XIRP2: variants seen among roughly 807,000 people sequenced by gnomAD.
The protein encoded by XIRP2 is xin actin-binding repeat-containing protein 2.
XIRP2 carries 236 observed loss-of-function variants against 277.0 expected under a neutral mutation model. The ratio of observed to expected loss-of-function variants is 0.85; its 90% CI spans 0.77 to 0.95. The LOEUF is 0.95. XIRP2 is among the 40% of genes least tolerant of loss of function. The probability of loss-of-function intolerance (pLI) is 0.00; values close to 1 mark genes in which losing one functional copy is unlikely to be tolerated. For missense variants in XIRP2, 4,640 were observed against 4,157.5 expected, an observed-to-expected ratio of 1.12 and a Z score of -3.19; for synonymous variants, 1,490 against 1,416.5, an observed-to-expected ratio of 1.05 and a Z score of -1.17.
rs112170841 is a variant in XIRP2, at chr2:167,250,061, A to G, written c.8669A>G (p.Tyr2890Cys). The G allele has an allele frequency of 2.4e-5, 39 of 1,613,640 alleles. 1 individual carries two copies. Among genetic ancestry groups the G allele is most frequent in the Admixed American group, 2.2e-4 (13 of 59,976 alleles). Reference protein sequence around the residue: ...KAEHKKLPQPYNSLQEEKCLE... With the variant: ...KAEHKKLPQPCNSLQEEKCLE... ...GAACATAAAAAATTGCCCCAGCCAT[A>G]TAATAGTCTGCAGGAAGAAAAATGT... The change falls in exon 9 of 11, where the codon TAT becomes TGT. Residue 2890 changes from tyrosine (Y) to cysteine (C), a missense_variant. Physicochemically the swap from Tyr to Cys is radical, Grantham distance 194. Coordinates refer to ENST00000409195, the MANE Select transcript of XIRP2 (RefSeq NM_152381.6).
At chr2:166,940,828 T>C (rs1165321283) in intron 2 of XIRP2, among the ~76,000 whole-genome samples, 1 of 152,120 alleles carries the variant, frequency 6.6e-6, no homozygotes, top group African/African-American at 2.4e-5. Context: ...GAGGGGTACC[T>C]GGCCATGTGG....
In XIRP2 at chr2:167,085,386, G is replaced by T. The variant is rs375087677; in HGVS notation, c.409-50523G>T. Reference sequence around the variant, plus strand: ...AAGTATGTGGTCAATTTTGGAATAGGTGTGGTGTGGTGCTGAAAAAAATGT... The same window carrying T: ...AAGTATGTGGTCAATTTTGGAATAGTTGTGGTGTGGTGCTGAAAAAAATGT... On this transcript the variant is annotated intron_variant, in intron 2 of 10. Transcript: ENST00000409195. 4.7e-5 allele frequency among the ~76,000 whole-genome samples: 7 copies of T among 150,176 alleles called. No individual in the cohort carries two copies. The South Asian group carries it at 1.3e-3, about 27-fold the overall frequency.
At chr2:166,961,475 T>A (rs1686295291) in intron 2 of XIRP2, among the ~76,000 whole-genome samples, 1 of 151,844 alleles carries the variant, frequency 6.6e-6, no homozygotes, top group South Asian at 2.1e-4. Flanking sequence ...GACAGCTGAA[T>A]TAGCCTTCAA....
chr2:167,181,716 A>T (rs1361514967), intron 3 of XIRP2, among the ~76,000 whole-genome samples: 1 of 152,124 alleles, frequency 6.6e-6, no homozygotes, highest in Non-Finnish European at 1.5e-5. Flanking sequence ...TCTGATCAAA[A>T]TTATATTTAT....
chr2:166,981,214 T>C (rs1686859206), intron 2 of XIRP2, among the ~76,000 whole-genome samples: 2 of 152,174 alleles, frequency 1.3e-5, no homozygotes, highest in African/African-American at 4.8e-5. Context: ...TTCTGGAGGC[T>C]ACAAGTCTGA....
At chr2:167,214,107 AAGG>A (rs1694150126) in intron 4 of XIRP2, among the ~76,000 whole-genome samples, 1 of 117,454 alleles carries the variant, frequency 8.5e-6, no homozygotes, top group African/African-American at 4.0e-5. Flanking sequence ...GGAAGGAAGG[AAGG>A]AAGGAAGGAA....
rs1014575668 is a variant in XIRP2, at chr2:167,233,126, G to A, written c.859-6729G>A. Reference sequence around the variant, plus strand: ...AGAAAGACATCTGATGAGGGAGAATGTTTCAGCTGAAACTTGAAATAATTT... The same window carrying A: ...AGAAAGACATCTGATGAGGGAGAATATTTCAGCTGAAACTTGAAATAATTT... On this transcript the variant is annotated intron_variant, in intron 5 of 10. Transcript: ENST00000409195. Among the ~76,000 whole-genome samples, 3 of 151,896 alleles carry A rather than the reference G, an allele frequency of 2.0e-5. 1 individual carries two copies. Among genetic ancestry groups the A allele is most frequent in the Admixed American group, 1.3e-4 (2 of 15,216 alleles).
At chr2:167,226,176 T>G (rs1694596081) in intron 5 of XIRP2, among the ~76,000 whole-genome samples, 1 of 152,194 alleles carries the variant, frequency 6.6e-6, no homozygotes, top group South Asian at 2.1e-4. Flanking sequence ...CACTGGGGGT[T>G]TGGAGATACA....
At chr2:167,119,615 A>T (rs1302883648) in intron 2 of XIRP2, among the ~76,000 whole-genome samples, 1 of 152,204 alleles carries the variant, frequency 6.6e-6, no homozygotes, top group African/African-American at 2.4e-5. Flanking sequence ...TCAGTAGTTG[A>T]CAAAGTTTCT....
In XIRP2 at chr2:167,250,987, T is replaced by C. The variant is rs974850130; in HGVS notation, c.9595T>C (p.Cys3199Arg). 8.7e-6 allele frequency: 14 copies of C among 1,613,514 alleles called. No individual in the cohort carries two copies. Among genetic ancestry groups the C allele is most frequent in the Non-Finnish European group, 1.1e-5 (13 of 1,179,746 alleles). Residue 3199 changes from cysteine (C) to arginine (R), a missense_variant, in exon 9 of 11, where the codon TGT becomes CGT. By Grantham distance (180) the Cys-to-Arg change is radical. Coordinates refer to ENST00000409195, the MANE Select transcript of XIRP2 (RefSeq NM_152381.6). ...TAKLSKGAIP[C>R]PAATPVPIVE... is the part of the protein sequence containing the mutation. ...AAAGTTATCCAAAGGGGCCATCCCA[T>C]GTCCAGCAGCAACCCCGGTTCCAAT...
intron 3 of XIRP2, among the ~76,000 whole-genome samples, chr2:167,200,245 C>G (rs73027847): frequency 0.083 from 12,574 of 152,192 alleles, 1,003 homozygotes; most frequent in African/African-American, 0.2. Flanking sequence ...TGGTAGGTTG[C>G]CACAAAGCAG....
intron 5 of XIRP2, among the ~76,000 whole-genome samples, chr2:167,236,657 G>A (rs1694908551): frequency 6.6e-6 from 1 of 151,996 alleles, no homozygotes; most frequent in African/African-American, 2.4e-5. Context: ...ACCTAGTAAA[G>A]GAAAGAGTTA....
intron 2 of XIRP2, among the ~76,000 whole-genome samples, chr2:167,012,121 C>G: frequency 6.6e-6 from 1 of 151,750 alleles, no homozygotes. Context: ...TGTGTTTGCT[C>G]TTGCTTTTCT....
intron 2 of XIRP2, among the ~76,000 whole-genome samples, chr2:167,090,143 C>A (rs550759895): frequency 6.6e-6 from 1 of 151,926 alleles, no homozygotes; most frequent in South Asian, 2.1e-4. Context: ...TCTTGGGGGT[C>A]CCTTAGACTT....
intron 2 of XIRP2, among the ~76,000 whole-genome samples, chr2:167,035,154 A>G (rs141302328): frequency 6.6e-6 from 1 of 152,264 alleles, no homozygotes; most frequent in African/African-American, 2.4e-5. Context: ...GATCAGCAGC[A>G]TGAACATGGA....
At chr2:167,026,162 A>C (rs547811493) in intron 2 of XIRP2, among the ~76,000 whole-genome samples, 1 of 152,260 alleles carries the variant, frequency 6.6e-6, no homozygotes, top group East Asian at 1.9e-4. Context: ...ATATATATTT[A>C]GGATAGTTAG....
chr2:167,006,202 T>G (rs1687498366), intron 2 of XIRP2, among the ~76,000 whole-genome samples: 1 of 151,628 alleles, frequency 6.6e-6, no homozygotes. Context: ...TCGAGGAGCT[T>G]TGGGTAAGAT....
chr2:167,086,438 A>C (rs373134968), intron 2 of XIRP2, among the ~76,000 whole-genome samples: 1 of 151,906 alleles, frequency 6.6e-6, no homozygotes, highest in Non-Finnish European at 1.5e-5. Flanking sequence ...TGCTCTTCTC[A>C]AGGAGTATCT....
At chr2:166,942,634 T>C (rs1435420368) in intron 2 of XIRP2, among the ~76,000 whole-genome samples, 2 of 152,224 alleles carry the variant, frequency 1.3e-5, no homozygotes, top group African/African-American at 4.8e-5. Flanking sequence ...TTATTATCCA[T>C]ATTTCATAAG....
Sources: allele counts gnomAD v4.1 joint callset (sites outside exome capture counted in the v4.1 genomes callset), GRCh38; gene constraint gnomAD v4.1.1; transcripts MANE v1.5; gene names NCBI Gene and HGNC (gene_info 2026-07-23, HGNC 2026-07-21).